Variants in CDKAL1 observed in about 807,000 individuals in gnomAD.
CDKAL1 encodes threonylcarbamoyladenosine tRNA methylthiotransferase.
CDKAL1 carries 32 observed loss-of-function variants against 68.2 expected under a neutral mutation model. The observed-to-expected ratio is 0.47, with a 90% CI of 0.35 to 0.63. The LOEUF (loss-of-function observed/expected upper bound fraction) is 0.63. Among genes scored for constraint, CDKAL1 ranks in the 30% least tolerant of loss-of-function variants. CDKAL1 has a pLI of 0.00. For missense variants in CDKAL1, 606 were observed against 696.7 expected (o/e 0.87, Z 1.47); for synonymous variants, 234 against 244.3 (o/e 0.96, Z 0.39).
intron 10 of CDKAL1, among the ~76,000 whole-genome samples, chr6:20,981,118 G>A (rs1264626635): frequency 1.3e-5 from 2 of 152,130 alleles, no homozygotes; most frequent in East Asian, 3.8e-4. Flanking sequence ...GGAGGAGGCT[G>A]TCATGCTCTG....
intron 12 of CDKAL1, among the ~76,000 whole-genome samples, chr6:21,101,784 C>G (rs1313378052): frequency 6.6e-6 from 1 of 152,000 alleles, no homozygotes; most frequent in Non-Finnish European, 1.5e-5. Context: ...GTGAAGGGTA[C>G]TTCTCCTGTT....
At chr6:21,073,414 T>G (rs1208536192) in intron 12 of CDKAL1, among the ~76,000 whole-genome samples, 3 of 152,222 alleles carry the variant, frequency 2.0e-5, no homozygotes, top group African/African-American at 7.2e-5. Context: ...ATTGCCACAC[T>G]GTCTTCCAAA....
chr6:20,560,480 A>G (rs1415131476), intron 4 of CDKAL1, among the ~76,000 whole-genome samples: 2 of 152,172 alleles, frequency 1.3e-5, no homozygotes, highest in African/African-American at 4.8e-5. Context: ...CTCTTTGTCC[A>G]TAGGAGCATA....
intron 8 of CDKAL1, among the ~76,000 whole-genome samples, chr6:20,802,794 T>A (rs1286107291): frequency 6.6e-6 from 1 of 152,208 alleles, no homozygotes; most frequent in African/African-American, 2.4e-5. Context: ...AATCTGACCC[T>A]GAAGGCCAGT....
chr6:20,817,160 C>T (rs914773319), intron 8 of CDKAL1, among the ~76,000 whole-genome samples: 3 of 152,214 alleles, frequency 2.0e-5, no homozygotes, highest in Non-Finnish European at 4.4e-5. Flanking sequence ...GGAAGTAGAG[C>T]TCAGGCCTTA....
At chr6:21,012,139 C>A (rs1768058849) in intron 11 of CDKAL1, among the ~76,000 whole-genome samples, 6 of 152,120 alleles carry the variant, frequency 3.9e-5, no homozygotes, top group Admixed American at 3.9e-4. Flanking sequence ...TGTGTTTCTT[C>A]CCTTGTAATA....
In CDKAL1 at chr6:20,677,667, C is replaced by T. The variant is rs193244918; in HGVS notation, c.371+28290C>T. Among the ~76,000 whole-genome samples the T allele has an allele frequency of 3.3e-5, 5 of 152,258 alleles. No homozygotes were observed. The South Asian group carries it at 6.2e-4, about 19-fold the overall frequency. On this transcript the variant is annotated intron_variant, in intron 5 of 15. Transcript: ENST00000274695. ...CTGACCTCAGGTGATCTGCCCACTT[C>T]GGCCTCCCAAAGTGCTGGGATTACA...
At chr6:21,063,865 T>C (rs1263362653) in intron 11 of CDKAL1, among the ~76,000 whole-genome samples, 2 of 152,104 alleles carry the variant, frequency 1.3e-5, no homozygotes, top group African/African-American at 2.4e-5. Context: ...AGAGAAAAAT[T>C]ATTAAAGAAA....
chr6:21,034,703 C>T (rs1226966508), intron 11 of CDKAL1, among the ~76,000 whole-genome samples: 1 of 152,134 alleles, frequency 6.6e-6, no homozygotes, highest in Admixed American at 6.6e-5. Flanking sequence ...AAGACTTGTT[C>T]GTGTGAATAT....
chr6:20,641,587 A>C (rs1295741374), intron 4 of CDKAL1, among the ~76,000 whole-genome samples: 3 of 152,160 alleles, frequency 2.0e-5, no homozygotes, highest in African/African-American at 7.2e-5. Context: ...TTTGTAAAAC[A>C]CAAAGTAGAT....
intron 13 of CDKAL1, among the ~76,000 whole-genome samples, chr6:21,137,835 C>T (rs571301241): frequency 1.6e-4 from 24 of 152,270 alleles, no homozygotes; most frequent in South Asian, 4.1e-4. Context: ...ATATTTTTCC[C>T]AGGAGTGGAA....
At chr6:20,740,813 C>G (rs1235797798) in intron 6 of CDKAL1, among the ~76,000 whole-genome samples, 3 of 152,072 alleles carry the variant, frequency 2.0e-5, no homozygotes, top group African/African-American at 7.2e-5. Flanking sequence ...TTTGTTTTCA[C>G]CATTTGTCTG....
At chr6:20,618,672 A>C (rs752658592) in intron 4 of CDKAL1, among the ~76,000 whole-genome samples, 2 of 151,546 alleles carry the variant, frequency 1.3e-5, no homozygotes, top group Admixed American at 6.6e-5. Context: ...TTTTCATTTT[A>C]TCAATTCTTT....
At chr6:20,537,062 C>A (rs1051039503) in intron 2 of CDKAL1, among the ~76,000 whole-genome samples, 1 of 151,998 alleles carries the variant, frequency 6.6e-6, no homozygotes, top group Non-Finnish European at 1.5e-5. Flanking sequence ...TGTTTTGAGA[C>A]AGAGTCTCGC....
intron 9 of CDKAL1, among the ~76,000 whole-genome samples, chr6:20,921,518 T>C (rs1029710585): frequency 2.0e-5 from 3 of 152,194 alleles, no homozygotes; most frequent in Non-Finnish European, 2.9e-5. Context: ...TTATTTTAAG[T>C]TGATGTTTCA....
At chr6:20,641,510 C>A (rs1373695906) in intron 4 of CDKAL1, among the ~76,000 whole-genome samples, 3 of 152,160 alleles carry the variant, frequency 2.0e-5, no homozygotes, top group African/African-American at 7.2e-5. Context: ...AAGGGCAAAC[C>A]AGTTTTTCAT....
At chr6:20,830,558 A>G (rs1266525505) in intron 8 of CDKAL1, among the ~76,000 whole-genome samples, 1 of 152,204 alleles carries the variant, frequency 6.6e-6, no homozygotes, top group African/African-American at 2.4e-5. Flanking sequence ...TCTAACATCT[A>G]AAGTAATAAG....
chr6:20,734,863 C>T (rs947894088), intron 5 of CDKAL1, among the ~76,000 whole-genome samples: 3 of 87,698 alleles, frequency 3.4e-5, no homozygotes, highest in African/African-American at 8.9e-5. Flanking sequence ...TGCTGCACCT[C>T]TTTTTTTTTT....
At chr6:20,644,551 G>T (rs991461295) in intron 4 of CDKAL1, among the ~76,000 whole-genome samples, 10 of 152,082 alleles carry the variant, frequency 6.6e-5, no homozygotes, top group African/African-American at 2.4e-4. Flanking sequence ...GTGATGGCGG[G>T]TGCCTGTAGT....
Sources: gnomAD v4.1 joint callset for allele counts (sites outside exome capture counted in the v4.1 genomes callset) on GRCh38, gnomAD v4.1.1 for gene constraint, MANE v1.5 for transcripts, NCBI Gene and HGNC (gene_info 2026-07-23, HGNC 2026-07-21) for gene names.